The following AMN variants were observed in gnomAD, a reference collection of about 807,000 sequenced individuals.
AMN encodes amnion associated transmembrane protein, also known as protein amnionless.
AMN carries 40 observed loss-of-function variants against 49.1 expected under a neutral mutation model. That is an observed-to-expected ratio of 0.81 (90% CI 0.63 to 1.06). The LOEUF is 1.06. Ranked by LOEUF, AMN falls within the 50% of genes least tolerant of loss-of-function variation. The pLI is 0.00. For missense variants in AMN, 701 were observed against 662.8 expected (o/e 1.06, Z -0.63); for synonymous variants, 380 against 313.3 (o/e 1.21, Z -2.25).
intron 3 of AMN, among the ~76,000 whole-genome samples, chr14:102,926,538 G>T (rs948650373): frequency 1.3e-5 from 2 of 151,638 alleles, no homozygotes; most frequent in Non-Finnish European, 2.9e-5. Context: ...TGTAGAATAG[G>T]TTTGCCAGGT....
In AMN at chr14:102,930,738, G is replaced by A; in HGVS notation, c.*58G>A. The A allele has an allele frequency of 6.6e-7, 1 of 1,517,896 alleles. No homozygotes were observed. Among genetic ancestry groups the A allele is most frequent in the Non-Finnish European group, 8.9e-7 (1 of 1,123,410 alleles). The allele number at this position is 1,517,896 out of a possible 1,614,324, so 94.0% of individuals were successfully genotyped here. A position where few individuals can be genotyped will look rare whatever the true frequency, so the allele number is the denominator to read the frequency against. ...CACCCGCTCTGGCCCCAGTCGAACT[G>A]GGGGCTAGCCACCTCCTCGTCCAGC... On this transcript the variant is annotated 3_prime_UTR_variant, in exon 12 of 12. Transcript: ENST00000299155.
rs2139309889 is a variant in AMN at position 102,929,122 on chromosome 14, C to T, written c.515C>T (p.Thr172Met). 1.4e-5 allele frequency: 23 copies of T among 1,597,530 alleles called. No individual in the cohort carries two copies. The highest frequency in any genetic ancestry group is 1.9e-5 in the Non-Finnish European group (23 of 1,179,602). The change falls in exon 6 of 12, where the codon ACG becomes ATG. Residue 172 changes from threonine (T) to methionine (M), a missense_variant and splice_region_variant. Coordinates refer to ENST00000299155, the MANE Select transcript of AMN (RefSeq NM_030943.4). ...RVRSISALGR[T>M]FTRDEDLAVF... Reference sequence around the variant, plus strand: ...CGGTGGGGACCCGGCTGCCCGCAGACGTTCACGCGCGACGAGGACCTGGCT... The same window carrying T: ...CGGTGGGGACCCGGCTGCCCGCAGATGTTCACGCGCGACGAGGACCTGGCT...
At chr14:102,929,857 C>T (rs1234663699) in intron 8 of AMN, 67 bp from the exon 9 acceptor site, 3 of 1,547,526 alleles carry the variant, frequency 1.9e-6, no homozygotes, top group Non-Finnish European at 2.6e-6. Flanking sequence ...TGCCTCTGCC[C>T]TTAGCGTCCC....
chr14:102,923,947 C>T lies in AMN; in HGVS notation c.175C>T (p.Leu59=), dbSNP rs199629027. The change falls in exon 3 of 12, where the codon CTG becomes TTG. Residue 59 remains leucine (L), a synonymous_variant. Coordinates refer to ENST00000299155, the MANE Select transcript of AMN (RefSeq NM_030943.4). ...CTTCTTCCTGCAGATGGTGTCAGTC[C>T]TGGTGCAAGAAGGTCACGCCGTCTC... is the stretch of plus-strand genomic sequence containing the variant. ...EFPADKMVSV[L]VQEGHAVSDM... 6.0e-5 allele frequency: 97 copies of T among 1,613,276 alleles called. No homozygotes were observed. The highest frequency in any genetic ancestry group is 1.2e-4 in the Admixed American group (7 of 60,024).
At chr14:102,926,571 A>G (rs1408558828) in intron 3 of AMN, among the ~76,000 whole-genome samples, 2 of 148,744 alleles carry the variant, frequency 1.3e-5, no homozygotes, top group Non-Finnish European at 3.0e-5. Flanking sequence ...CACCACCACC[A>G]AAAAAACCCT....
At chr14:102,930,520 G>A (rs1306570441) in intron 11 of AMN, 27 bp downstream of exon 11, 4 of 1,541,188 alleles carry the variant, frequency 2.6e-6, no homozygotes, top group East Asian at 2.5e-5. Context: ...GGGGACCGGG[G>A]CCTCCTCGGG....
chr14:102,927,325 C>T (rs969448659), intron 3 of AMN, among the ~76,000 whole-genome samples: 4 of 152,196 alleles, frequency 2.6e-5, no homozygotes, highest in Non-Finnish European at 2.9e-5. Context: ...CTGGCCTTAC[C>T]TACTGTGCTC....
In AMN at chr14:102,923,948, T is replaced by A; in HGVS notation, c.176T>A (p.Leu59Gln). The change falls in exon 3 of 12, where the codon CTG becomes CAG. Residue 59 changes from leucine (L) to glutamine (Q), a missense_variant. Leu to Gln is a moderately radical substitution (Grantham distance 113). Transcript: ENST00000299155. ...TTCTTCCTGCAGATGGTGTCAGTCC[T>A]GGTGCAAGAAGGTCACGCCGTCTCA... ...EFPADKMVSV[L>Q]VQEGHAVSDM... 1 of 1,613,258 alleles carries A rather than the reference T, an allele frequency of 6.2e-7. No homozygotes were observed. Among genetic ancestry groups the A allele is most frequent in the Non-Finnish European group, 8.5e-7 (1 of 1,180,026 alleles).
rs1891308721 is a variant in AMN, at chr14:102,930,238, G to A, written c.1080G>A (p.Gly360=). The change falls in exon 10 of 12, where the codon GGG becomes GGA. Residue 360 remains glycine, a synonymous_variant. Transcript: ENST00000299155. ...GAHVWGSSAA[G]LAGGVAAAVL... ...ACGTCTGGGGCAGCTCCGCGGCTGG[G>A]CTGGCGGGCGGCGTGGCGGCTGCCG... 2 of 1,386,680 alleles carry A rather than the reference G, an allele frequency of 1.4e-6. No homozygotes were observed. The highest frequency in any genetic ancestry group is 1.5e-5 in the African/African-American group (1 of 66,146). The allele number at this position is 1,386,680 out of a possible 1,614,324, so 85.9% of individuals were successfully genotyped here.
rs764383277 is a variant in AMN at position 102,929,252 on chromosome 14, C to T, written c.645C>T (p.Asn215=). ...ACCCGTCGGGCTGCGTCTGCGGCAA[C>T]GCGGAGGTGAGCGAGGCCGCAGTGG... The part of the protein sequence containing the change: ...CADPSGCVCG[N]AEAQPWICAA... The change falls in exon 6 of 12, where the codon AAC becomes AAT. Residue 215 remains asparagine, a synonymous_variant. Transcript: ENST00000299155. 6.7e-7 allele frequency: 1 copy of T among 1,486,028 alleles called. No individual in the cohort carries two copies. The allele number at this position is 1,486,028 out of a possible 1,614,324, so 92.1% of individuals were successfully genotyped here. A position where few individuals can be genotyped will look rare whatever the true frequency, so the allele number is the denominator to read the frequency against.
chr14:102,930,720 T>C lies in AMN; in HGVS notation c.*40T>C. The C allele has an allele frequency of 2.6e-6, 4 of 1,541,380 alleles. No individual in the cohort carries two copies. Among genetic ancestry groups the C allele is most frequent in the Non-Finnish European group, 3.5e-6 (4 of 1,141,872 alleles). On this transcript the variant is annotated 3_prime_UTR_variant, in exon 12 of 12. Transcript: ENST00000299155. ...GTCGACCTTGGGGCTCTCCACCCGC[T>C]CTGGCCCCAGTCGAACTGGGGGCTA...
At chr14:102,927,184 G>A (rs548050162) in intron 3 of AMN, among the ~76,000 whole-genome samples, 24 of 152,274 alleles carry the variant, frequency 1.6e-4, no homozygotes, top group African/African-American at 5.3e-4. Flanking sequence ...ATGAGCCACC[G>A]CTCCTGGCCT....
Position 102,929,447 on chromosome 14 carries a change from C to A in AMN, c.671C>A (p.Ala224Glu), listed in dbSNP as rs1302801489. The change falls in exon 7 of 12, where the codon GCG becomes GAG. Residue 224 changes from alanine to glutamate, a missense_variant. By Grantham distance (107) the Ala-to-Glu change is moderately radical. Transcript: ENST00000299155. ...CACCAGGCGCAGCCGTGGATCTGCG[C>A]GGCCCTGCTCCAGCCCCTGGGCGGC... ...GNAEAQPWIC[A>E]ALLQPLGGRC... is the part of the protein sequence containing the mutation. 1.3e-6 allele frequency: 2 copies of A among 1,531,104 alleles called. No homozygotes were observed. The highest frequency in any genetic ancestry group is 1.7e-6 in the Non-Finnish European group (2 of 1,145,248). The allele number at this position is 1,531,104 out of a possible 1,614,324, so 94.8% of individuals were successfully genotyped here.
At chr14:102,928,691 T>TGGCGC (rs746745076) in intron 4 of AMN, 67 bp from the exon 5 acceptor site, 11 of 1,545,154 alleles carry the variant, frequency 7.1e-6, no homozygotes, top group Non-Finnish European at 9.6e-6. Flanking sequence ...ACGCGTGGCG[T>TGGCGC]GGCGTGGCGT....
chr14:102,924,581 T>C (rs186207396), intron 3 of AMN, among the ~76,000 whole-genome samples: 15 of 152,332 alleles, frequency 9.8e-5, no homozygotes, highest in Admixed American at 8.5e-4. Flanking sequence ...CATCAGTCCA[T>C]GGAAGAACTG....
intron 5 of AMN, 50 bp downstream of exon 5, chr14:102,929,025 C>G: frequency 1.9e-6 from 3 of 1,594,392 alleles, no homozygotes; most frequent in South Asian, 1.1e-5. Flanking sequence ...CACCTCGGCC[C>G]GACCCCGCCC....
chr14:102,930,758 TC>T lies in AMN; in HGVS notation c.*80del. ...GAACTGGGGGCTAGCCACCTCCTCG[TC>T]CAGCCCCCAAACCTCCCCTTCCTTT... On this transcript the variant is annotated 3_prime_UTR_variant, in exon 12 of 12. Transcript: ENST00000299155. The T allele has an allele frequency of 6.9e-7, 1 of 1,446,788 alleles. No homozygotes were observed. The highest frequency in any genetic ancestry group is 9.4e-7 in the Non-Finnish European group (1 of 1,062,262). 89.6% of individuals were successfully genotyped at this position (1,446,788 alleles called of 1,614,324 possible).
chr14:102,930,124 G>A, intron 9 of AMN, 38 bp downstream of exon 9: 1 of 1,500,316 alleles, frequency 6.7e-7, no homozygotes, highest in Admixed American at 2.2e-5. Flanking sequence ...GCCGCGCCTC[G>A]CCCCGCCGCG....
chr14:102,926,129 G>A (rs1891181673), intron 3 of AMN, among the ~76,000 whole-genome samples: 1 of 152,204 alleles, frequency 6.6e-6, no homozygotes, highest in South Asian at 2.1e-4. Context: ...AGTGTCCTGT[G>A]CTGAACAGAA....
Sources: gnomAD v4.1 joint callset for allele counts (sites outside exome capture counted in the v4.1 genomes callset) on GRCh38, gnomAD v4.1.1 for gene constraint, MANE v1.5 for transcripts, NCBI Gene and HGNC (gene_info 2026-07-23, HGNC 2026-07-21) for gene names.